The following FYB2 variants were observed in gnomAD, a reference collection of about 807,000 sequenced individuals.
The protein encoded by FYB2 is FYN-binding protein 2.
FYB2 carries 103 observed loss-of-function variants against 94.1 expected under a neutral mutation model. That is an observed-to-expected ratio of 1.09 (90% CI 0.93 to 1.29). FYB2 has a LOEUF of 1.29. Among genes scored for constraint, FYB2 ranks in the 50% most tolerant of loss-of-function variants. FYB2 has a pLI of 0.00. For synonymous variants in FYB2, 293 were observed against 287.9 expected, an observed-to-expected ratio of 1.02 and a Z score of -0.18; for missense variants, 896 against 841.5, an observed-to-expected ratio of 1.06 and a Z score of -0.80.
chr1:56,794,786 G>T (rs1326067404), intron 1 of FYB2, among the ~76,000 whole-genome samples: 1 of 152,106 alleles, frequency 6.6e-6, no homozygotes, highest in Admixed American at 6.6e-5. Flanking sequence ...GAAATCAGGA[G>T]ATCTGAGTGT....
rs1273948145 is a variant in FYB2, at chr1:56,792,091, G to A, written c.722C>T (p.Pro241Leu). Reference protein sequence around the residue: ...ERSPASSPCQPIYECELASQA... With the variant: ...ERSPASSPCQLIYECELASQA... The stretch of plus-strand genomic sequence containing the variant: ...ACTGGCAAGCTCACACTCATAGATG[G>A]GCTGGCAGGGGCTGCTTGCCGGGCT... The change falls in exon 2 of 20, where the codon CCC becomes CTC. Residue 241 changes from proline to leucine, a missense_variant. Transcript: ENST00000343433. The A allele has an allele frequency of 4.4e-6, 7 of 1,606,442 alleles. No homozygotes were observed. The highest frequency in any genetic ancestry group is 2.7e-5 in the African/African-American group (2 of 74,424).
At chr1:56,826,840 A>T in the FYB2 span, 1 of 152,108 alleles carries the variant, frequency 6.6e-6, no homozygotes, top group Admixed American at 6.5e-5. Flanking sequence ...TGTCAGCTGG[A>T]CCCATCACAA....
chr1:56,745,669 T>C (rs988493106), intron 9 of FYB2, among the ~76,000 whole-genome samples: 1 of 152,084 alleles, frequency 6.6e-6, no homozygotes, highest in Non-Finnish European at 1.5e-5. Context: ...TCTCACATTT[T>C]ATTTTCAAGA....
rs1447460809 is a variant in FYB2 at position 56,718,892 on chromosome 1, A to C, written c.*779T>G. The stretch of plus-strand genomic sequence containing the variant: ...ATGTCAGCTTTTAAATTTTTATTTA[A>C]TTCCATATAAATGAAAGTACATATG... On this transcript the variant is annotated 3_prime_UTR_variant, in exon 20 of 20. Transcript: ENST00000343433. 1.3e-5 allele frequency: 2 copies of C among 152,722 alleles called. No individual in the cohort carries two copies. The highest frequency in any genetic ancestry group is 1.9e-4 in the East Asian group (1 of 5,180). The allele number at this position is 152,722 out of a possible 1,614,324, so 9.5% of individuals were successfully genotyped here.
intron 6 of FYB2, among the ~76,000 whole-genome samples, chr1:56,756,693 G>A (rs1244104455): frequency 6.6e-6 from 1 of 152,084 alleles, no homozygotes; most frequent in Admixed American, 6.6e-5. Flanking sequence ...TTTGTTACAT[G>A]ATTTACAGGT....
intron 5 of FYB2, among the ~76,000 whole-genome samples, chr1:56,762,720 C>T (rs1360726000): frequency 6.6e-6 from 1 of 152,100 alleles, no homozygotes; most frequent in Non-Finnish European, 1.5e-5. Context: ...TATCTGTATA[C>T]ATTTTATTTC....
intron 4 of FYB2, among the ~76,000 whole-genome samples, chr1:56,772,371 G>T (rs1645778350): frequency 1.3e-5 from 2 of 152,188 alleles, no homozygotes; most frequent in Non-Finnish European, 2.9e-5. Flanking sequence ...TGGGATTATT[G>T]TTAAGAGGAA....
intron 4 of FYB2, among the ~76,000 whole-genome samples, chr1:56,770,789 T>C (rs1645735198): frequency 6.6e-6 from 1 of 152,032 alleles, no homozygotes; most frequent in Non-Finnish European, 1.5e-5. Context: ...ACTTTGGCAA[T>C]AAGAAAAAGA....
At chr1:56,792,861 AC>A in intron 1 of FYB2, 58 bp from the exon 2 acceptor site, 2 of 1,490,766 alleles carry the variant, frequency 1.3e-6, no homozygotes, top group East Asian at 2.3e-5. Flanking sequence ...AACAACAACA[AC>A]AAAAACAAGT....
chr1:56,737,438 G>T (rs1644853452), intron 14 of FYB2: 2 of 239,418 alleles, frequency 8.4e-6, no homozygotes, highest in Non-Finnish European at 1.6e-5. Flanking sequence ...AATATGAGTT[G>T]CTCAAAGAGT....
At chr1:56,777,564 G>T (rs1303997635) in intron 4 of FYB2, among the ~76,000 whole-genome samples, 1 of 152,048 alleles carries the variant, frequency 6.6e-6, no homozygotes, top group Non-Finnish European at 1.5e-5. Context: ...AAATAGACTG[G>T]ATATACTTGA....
chr1:56,793,299 C>T (rs1433106472), intron 1 of FYB2, among the ~76,000 whole-genome samples: 1 of 152,224 alleles, frequency 6.6e-6, no homozygotes, highest in Non-Finnish European at 1.5e-5. Context: ...GACCCTCCTA[C>T]TCTCTATCAC....
rs982229189 is a variant in FYB2, at chr1:56,719,591, C to G, written c.*80G>C. The G allele has an allele frequency of 8.5e-6, 11 of 1,286,884 alleles. No homozygotes were observed. The African/African-American group carries it at 1.4e-4, about 16-fold the overall frequency. 79.7% of individuals were successfully genotyped at this position (1,286,884 alleles called of 1,614,324 possible). On this transcript the variant is annotated 3_prime_UTR_variant, in exon 20 of 20. Coordinates refer to ENST00000343433, the MANE Select transcript of FYB2 (RefSeq NM_001004303.5). ...CCATCTCAAAATTTTGACATGTAAA[C>G]TGAAACTGATGTAACGCAGGACTAG...
rs1015511669 is a variant in FYB2, at chr1:56,720,255, C to T, written c.2049G>A (p.Leu683=). The T allele has an allele frequency of 6.2e-7, 1 of 1,611,996 alleles. No homozygotes were observed. Among genetic ancestry groups the T allele is most frequent in the Non-Finnish European group, 8.5e-7 (1 of 1,178,796 alleles). Residue 683 remains leucine (L), a synonymous_variant, in exon 18 of 20, where the codon TTG becomes TTA. Coordinates refer to ENST00000343433, the MANE Select transcript of FYB2 (RefSeq NM_001004303.5). ...SNNSRNGIFD[L]PISPGEELEV... is the part of the protein sequence containing the mutation. ...CCAATTCTTCTCCAGGACTTATTGG[C>T]AAATCAAATATTCCATTTCTTGAAT... is the stretch of plus-strand genomic sequence containing the variant.
At chr1:56,768,063 T>C (rs999977339) in intron 4 of FYB2, 125 bp from the exon 5 acceptor site, 11 of 660,968 alleles carry the variant, frequency 1.7e-5, no homozygotes, top group East Asian at 2.8e-5. Context: ...TAAGCATATA[T>C]GGGAGGCACA....
intron 4 of FYB2, among the ~76,000 whole-genome samples, chr1:56,786,858 G>T (rs1432579652): frequency 1.3e-5 from 2 of 152,132 alleles, no homozygotes; most frequent in Non-Finnish European, 2.9e-5. Flanking sequence ...CACACCAGCT[G>T]CCCAGAGCAT....
intron 13 of FYB2, among the ~76,000 whole-genome samples, chr1:56,740,064 T>C (rs567394775): frequency 6.6e-6 from 1 of 152,066 alleles, no homozygotes; most frequent in Non-Finnish European, 1.5e-5. Context: ...GGAAGTGATA[T>C]GCCCACAGTT....
chr1:56,811,536 C>T (rs1211965931), intron 1 of FYB2, among the ~76,000 whole-genome samples: 3 of 152,150 alleles, frequency 2.0e-5, no homozygotes, highest in Non-Finnish European at 4.4e-5. Flanking sequence ...TGAGATGATG[C>T]CAGCCCTTGC....
chr1:56,738,784 G>A, intron 13 of FYB2, 131 bp from the exon 14 acceptor site: 2 of 860,926 alleles, frequency 2.3e-6, no homozygotes, highest in Non-Finnish European at 3.5e-6. Flanking sequence ...CTGACTCCAA[G>A]TAAAAATAGT....
Sources: gnomAD v4.1 joint callset for allele counts (sites outside exome capture counted in the v4.1 genomes callset) on GRCh38, gnomAD v4.1.1 for gene constraint, MANE v1.5 for transcripts, NCBI Gene and HGNC (gene_info 2026-07-23, HGNC 2026-07-21) for gene names.